CACNA1A: variants seen among roughly 807,000 people sequenced by gnomAD.
CACNA1A encodes the protein voltage-dependent P/Q-type calcium channel subunit alpha-1A.
CACNA1A carries 57 observed loss-of-function variants against 262.4 expected under a neutral mutation model. That is an observed-to-expected ratio of 0.22 (90% CI 0.18 to 0.27). The LOEUF is 0.27. CACNA1A is among the 10% of genes least tolerant of loss of function. CACNA1A has a pLI of 1.00. For missense variants in CACNA1A, 2,526 were observed against 3,562.8 expected (o/e 0.71, Z 7.41); for synonymous variants, 1,431 against 1,419.3 (o/e 1.01, Z -0.18).
In CACNA1A at chr19:13,214,347, C is replaced by T. The variant is rs184658006; in HGVS notation, c.5840-14G>A. Reference sequence around the variant, plus strand: ...TGAGGTCCGTGGCTGGGGGCACACACACGGTGAGCTCACCAAGGGCAGGCC... The same window carrying T: ...TGAGGTCCGTGGCTGGGGGCACACATACGGTGAGCTCACCAAGGGCAGGCC... On this transcript the variant is annotated splice_polypyrimidine_tract_variant and intron_variant, in intron 39 of 46. Transcript: ENST00000360228. This position sits in a 1 kb window ranked among gnomAD's most constrained non-coding sequence, Gnocchi z 4.1. 1.2e-3 allele frequency: 1,971 copies of T among 1,611,726 alleles called. 1 individual carries two copies. The highest frequency in any genetic ancestry group is 1.5e-3 in the Non-Finnish European group (1,827 of 1,179,026).
intron 6 of CACNA1A, among the ~76,000 whole-genome samples, 179 bp downstream of exon 6, chr19:13,359,427 G>A (rs1483351679): frequency 6.6e-6 from 1 of 152,118 alleles, no homozygotes; most frequent in Non-Finnish European, 1.5e-5. Context: ...TTCTGCTCAT[G>A]AGCCCCTGTA....
chr19:13,437,627 G>T (rs1315652250), intron 3 of CACNA1A, among the ~76,000 whole-genome samples: 1 of 140,372 alleles, frequency 7.1e-6, no homozygotes, highest in Non-Finnish European at 1.5e-5. Context: ...GGAGGCAGAA[G>T]TTGCAGTGAG....
intron 17 of CACNA1A, among the ~76,000 whole-genome samples, chr19:13,302,402 C>G (rs1343280203): frequency 6.6e-6 from 1 of 152,168 alleles, no homozygotes; most frequent in African/African-American, 2.4e-5. Flanking sequence ...GCCTTGGTCA[C>G]ACAGTAGGTG....
intron 3 of CACNA1A, among the ~76,000 whole-genome samples, chr19:13,418,168 T>C (rs2060256758): frequency 6.6e-6 from 1 of 152,148 alleles, no homozygotes; most frequent in African/African-American, 2.4e-5. Flanking sequence ...TTCTCTGTGG[T>C]TTTCCCCATA....
chr19:13,235,939 G>C (rs918745934), intron 31 of CACNA1A: 1 of 503,524 alleles, frequency 2.0e-6, no homozygotes, highest in Non-Finnish European at 3.5e-6. Flanking sequence ...GAGGGTGGGA[G>C]GGAGGAAAAG....
In CACNA1A at chr19:13,227,661, T is replaced by G. The variant is rs969695170; in HGVS notation, c.5529-134A>C. 1.0e-5 allele frequency: 4 copies of G among 386,760 alleles called. No individual in the cohort carries two copies. In the Admixed American group the frequency reaches 1.4e-4, roughly 13 times the overall value. 24.0% of individuals were successfully genotyped at this position (386,760 alleles called of 1,614,324 possible). The stretch of plus-strand genomic sequence containing the variant: ...AAGAAATCCACACGAGCCGAAAAAA[T>G]AGAGAGAGAAAGATGCAGAGAATGA... On this transcript the variant is annotated intron_variant, in intron 36 of 46. Transcript: ENST00000360228.
At position 13,233,559 on chromosome 19, in the gene CACNA1A, C is replaced by T. The variant is rs150274021; in HGVS notation, c.5249+1362G>A. ...CTGGAGTGCAGTGGCACAATCATAG[C>T]TTACTGTAGCCTGGAACTCCTGGGC... On this transcript the variant is annotated intron_variant, in intron 34 of 46. Coordinates refer to ENST00000360228, the MANE Select transcript of CACNA1A (RefSeq NM_001127222.2). Among the ~76,000 whole-genome samples the T allele has an allele frequency of 7.0e-3, 1,071 of 152,248 alleles. 13 individuals carry two copies. Among genetic ancestry groups the T allele is most frequent in the African/African-American group, 0.025 (1,027 of 41,540 alleles).
intron 31 of CACNA1A, among the ~76,000 whole-genome samples, chr19:13,239,546 T>C (rs995138798): frequency 6.6e-6 from 1 of 152,160 alleles, no homozygotes; most frequent in African/African-American, 2.4e-5. Context: ...TAGGGGCTCA[T>C]TAAATGTTTG....
intron 10 of CACNA1A, among the ~76,000 whole-genome samples, chr19:13,320,757 G>A (rs1850787383): frequency 6.6e-6 from 1 of 151,946 alleles, no homozygotes. Flanking sequence ...GTTTTTCTCT[G>A]TGGTCTGGAA....
chr19:13,398,575 C>T (rs1303863097), intron 3 of CACNA1A, among the ~76,000 whole-genome samples: 1 of 152,144 alleles, frequency 6.6e-6, no homozygotes, highest in African/African-American at 2.4e-5. Context: ...TTGCAGCTGA[C>T]TGGAAAGCAG....
At chr19:13,477,478 C>T (rs1219161842) in intron 1 of CACNA1A, among the ~76,000 whole-genome samples, 2 of 152,204 alleles carry the variant, frequency 1.3e-5, no homozygotes. Flanking sequence ...TGCACAGCCC[C>T]ATGAGGCAAG....
intron 3 of CACNA1A, among the ~76,000 whole-genome samples, chr19:13,386,363 G>A (rs554240784): frequency 2.6e-5 from 4 of 152,216 alleles, no homozygotes; most frequent in Admixed American, 2.0e-4. Flanking sequence ...AAATCTGCTG[G>A]GTGCTTCTGG....
intron 35 of CACNA1A, among the ~76,000 whole-genome samples, 177 bp downstream of exon 35, chr19:13,231,533 C>A (rs1438948360): frequency 1.3e-5 from 2 of 151,984 alleles, no homozygotes; most frequent in Non-Finnish European, 2.9e-5. Flanking sequence ...TCAGCCACCC[C>A]CAAATGTCAA....
At chr19:13,251,325 T>C (rs1448068927) in intron 30 of CACNA1A, among the ~76,000 whole-genome samples, 2 of 150,868 alleles carry the variant, frequency 1.3e-5, no homozygotes, top group Non-Finnish European at 3.0e-5. Flanking sequence ...CTACTAAAAA[T>C]ACAAACAATT....
At chr19:13,330,815 T>G (rs12976446) in intron 9 of CACNA1A, among the ~76,000 whole-genome samples, 31,881 of 152,186 alleles carry the variant, frequency 0.21, 3,645 homozygotes, top group African/African-American at 0.31. Context: ...GGTCAAACTC[T>G]TGACCTCAAG....
chr19:13,454,464 G>A (rs1164152557), intron 2 of CACNA1A, among the ~76,000 whole-genome samples: 4 of 151,708 alleles, frequency 2.6e-5, no homozygotes, highest in South Asian at 2.1e-4. Context: ...TCTGCCTCCC[G>A]GGTTCAAGCG....
intron 1 of CACNA1A, among the ~76,000 whole-genome samples, chr19:13,472,043 G>T (rs953083990): frequency 2.0e-5 from 3 of 152,140 alleles, no homozygotes; most frequent in Non-Finnish European, 4.4e-5. Flanking sequence ...GCTTACTGGA[G>T]CCTCAACCTT....
chr19:13,216,994 G>A (rs1047341829), intron 38 of CACNA1A, among the ~76,000 whole-genome samples: 2 of 152,110 alleles, frequency 1.3e-5, no homozygotes, highest in African/African-American at 4.8e-5. Flanking sequence ...TTAGCTGGGC[G>A]TGGTGGCGTG....
At chr19:13,246,201 T>C (rs562268260) in intron 30 of CACNA1A, among the ~76,000 whole-genome samples, 4 of 152,310 alleles carry the variant, frequency 2.6e-5, no homozygotes, top group South Asian at 2.1e-4. Flanking sequence ...TGGGCCTCCA[T>C]TTCCTGATCT....
Sources: allele counts gnomAD v4.1 joint callset (sites outside exome capture counted in the v4.1 genomes callset), GRCh38; gene constraint gnomAD v4.1.1; non-coding constraint Gnocchi (gnomAD v3.1); transcripts MANE v1.5; gene names NCBI Gene and HGNC (gene_info 2026-07-23, HGNC 2026-07-21).